Variants in NT5M observed in about 807,000 individuals in gnomAD.
NT5M encodes 5'(3')-deoxyribonucleotidase, mitochondrial.
Under a neutral mutation model 22.2 loss-of-function variants are expected in NT5M, and 22 were observed. That is an observed-to-expected ratio of 0.99 (90% CI 0.71 to 1.41). The LOEUF is 1.41. Ranked by LOEUF, NT5M falls within the 40% of genes most tolerant of loss-of-function variation. NT5M has a pLI of 0.00. For synonymous variants in NT5M, 167 were observed against 133.0 expected (o/e 1.26, Z -1.76); for missense variants, 322 against 314.8 (o/e 1.02, Z -0.17).
chr17:17,345,108 G>A lies in NT5M; in HGVS notation c.544+200G>A, dbSNP rs555172653. ...GGTGCTCCTGGGAGCTGGGAGGAGT[G>A]GGTGCCAGCTCTAGGGTTAGCTTGA... On this transcript the variant is annotated intron_variant, in intron 4 of 4. Transcript: ENST00000389022. 7.9e-5 allele frequency: 47 copies of A among 592,666 alleles called. No homozygotes were observed. In the South Asian group the frequency reaches 3.1e-3, roughly 39 times the overall value. The allele number at this position is 592,666 out of a possible 1,614,324, so 36.7% of individuals were successfully genotyped here.
At chr17:17,304,507 G>A (rs547147967) in intron 1 of NT5M, 1 of 902,502 alleles carries the variant, frequency 1.1e-6, no homozygotes, top group South Asian at 5.1e-5. Flanking sequence ...TTTGCAAAAG[G>A]AACAGGGGAT....
intron 3 of NT5M, among the ~76,000 whole-genome samples, chr17:17,329,009 G>T (rs1031384016): frequency 2.0e-5 from 3 of 152,026 alleles, no homozygotes; most frequent in Non-Finnish European, 4.4e-5. Context: ...ACGGAGTCTC[G>T]CTCTGTCTCC....
rs931917725 is a variant in NT5M at position 17,316,471 on chromosome 17, G to A, written c.369-6714G>A. ...GCTCGCTGCAACCTTTGCCTCCCGG[G>A]TTCAAGTGATTCTCCTGCCTCAGCC... On this transcript the variant is annotated intron_variant, in intron 2 of 4. Coordinates refer to ENST00000389022, the MANE Select transcript of NT5M (RefSeq NM_020201.4). Among the ~76,000 whole-genome samples the A allele has an allele frequency of 2.0e-5, 3 of 151,916 alleles. No individual in the cohort carries two copies. In the East Asian group the frequency reaches 5.8e-4, roughly 29 times the overall value.
chr17:17,306,566 G>A lies in NT5M; in HGVS notation c.291G>A (p.Glu97=). ...AGGAGAAGGCCATCAGCATTTGGGA[G>A]TCAAAGAATTTCTTTTTTGAACTTG... ...GLSEKAISIW[E]SKNFFFELEP... The change falls in exon 2 of 5, where the codon GAG becomes GAA. Residue 97 remains glutamate (E), a synonymous_variant. Transcript: ENST00000389022. The A allele has an allele frequency of 6.2e-7, 1 of 1,613,958 alleles. No individual in the cohort carries two copies. The highest frequency in any genetic ancestry group is 1.7e-4 in the Middle Eastern group (1 of 6,010).
intron 2 of NT5M, among the ~76,000 whole-genome samples, chr17:17,321,467 G>A: frequency 6.6e-6 from 1 of 151,830 alleles, no homozygotes; most frequent in East Asian, 2.0e-4. Context: ...CCGGCGGCAG[G>A]TGAGTCTCCA....
intron 3 of NT5M, among the ~76,000 whole-genome samples, chr17:17,341,186 A>T (rs2049634308): frequency 6.6e-6 from 1 of 151,920 alleles, no homozygotes; most frequent in African/African-American, 2.4e-5. Context: ...TTTTATATTG[A>T]CCTTGTATCC....
In NT5M at chr17:17,303,422, T is replaced by A. The variant is rs1017543555; in HGVS notation, c.-129T>A. On this transcript the variant is annotated 5_prime_UTR_variant, in exon 1 of 5. Transcript: ENST00000389022. Reference sequence around the variant, plus strand: ...CCGCACCCCGCGCTCCCCGCCCCGCTCCCCGTCCCGCGCTCCACGCGCGCC... The same window carrying A: ...CCGCACCCCGCGCTCCCCGCCCCGCACCCCGTCCCGCGCTCCACGCGCGCC... 112 of 976,180 alleles carry A rather than the reference T, an allele frequency of 1.1e-4. No individual in the cohort carries two copies. The highest frequency in any genetic ancestry group is 1.3e-4 in the Non-Finnish European group (108 of 819,782). The allele number at this position is 976,180 out of a possible 1,614,324, so 60.5% of individuals were successfully genotyped here. A position where few individuals can be genotyped will look rare whatever the true frequency, so the allele number is the denominator to read the frequency against.
intron 3 of NT5M, among the ~76,000 whole-genome samples, chr17:17,339,197 C>T (rs2049588333): frequency 6.6e-6 from 1 of 151,376 alleles, no homozygotes; most frequent in African/African-American, 2.4e-5. Context: ...GTGTAGAGCT[C>T]TTTCACTTGG....
At chr17:17,339,957 GT>G (rs370378790) in intron 3 of NT5M, among the ~76,000 whole-genome samples, 18 of 151,970 alleles carry the variant, frequency 1.2e-4, no homozygotes, top group African/African-American at 4.3e-4. Flanking sequence ...TTTTCAATGT[GT>G]TTTTGTCTGG....
chr17:17,319,610 G>A (rs2049108809), intron 2 of NT5M, among the ~76,000 whole-genome samples: 1 of 152,126 alleles, frequency 6.6e-6, no homozygotes, highest in Non-Finnish European at 1.5e-5. Context: ...AAGAAGCCAG[G>A]CAAAACAGAG....
intron 3 of NT5M, among the ~76,000 whole-genome samples, chr17:17,325,099 C>A (rs1239151822): frequency 6.6e-6 from 1 of 152,124 alleles, no homozygotes; most frequent in South Asian, 2.1e-4. Context: ...GTGGGTCTGA[C>A]GAGCCCGCCA....
At chr17:17,314,819 T>A (rs1211000922) in intron 2 of NT5M, among the ~76,000 whole-genome samples, 1 of 152,212 alleles carries the variant, frequency 6.6e-6, no homozygotes, top group Non-Finnish European at 1.5e-5. Context: ...ACAGCTAGAT[T>A]GTTTTTCTCT....
chr17:17,319,545 G>A (rs2049107464), intron 2 of NT5M, among the ~76,000 whole-genome samples: 2 of 152,188 alleles, frequency 1.3e-5, no homozygotes, highest in African/African-American at 2.4e-5. Flanking sequence ...AGGACACACT[G>A]TTGATACATT....
intron 3 of NT5M, among the ~76,000 whole-genome samples, chr17:17,332,827 C>T (rs2049415190): frequency 6.6e-6 from 1 of 152,120 alleles, no homozygotes; most frequent in Admixed American, 6.5e-5. Context: ...GGGTTCACTC[C>T]CGGTATCCTG....
intron 3 of NT5M, among the ~76,000 whole-genome samples, chr17:17,327,864 C>A (rs1336138177): frequency 2.5e-5 from 1 of 39,314 alleles, no homozygotes; most frequent in African/African-American, 7.7e-5. Flanking sequence ...GTTGGCCAGG[C>A]TGGTCTCAAA....
chr17:17,328,475 G>A (rs2049307705), intron 3 of NT5M, among the ~76,000 whole-genome samples: 1 of 152,118 alleles, frequency 6.6e-6, no homozygotes, highest in South Asian at 2.1e-4. Flanking sequence ...CCTATGGACT[G>A]GTACTTCTTC....
At chr17:17,339,652 C>G (rs2049597681) in intron 3 of NT5M, among the ~76,000 whole-genome samples, 1 of 152,156 alleles carries the variant, frequency 6.6e-6, no homozygotes, top group Non-Finnish European at 1.5e-5. Flanking sequence ...TATGTTCCTT[C>G]CATACCCAGT....
chr17:17,310,000 A>G (rs1597745257), intron 2 of NT5M, among the ~76,000 whole-genome samples: 1 of 151,670 alleles, frequency 6.6e-6, no homozygotes, highest in Non-Finnish European at 1.5e-5. Flanking sequence ...AATTTTTTGT[A>G]TTTTTAGTAG....
intron 3 of NT5M, among the ~76,000 whole-genome samples, chr17:17,328,432 A>AC (rs2049306605): frequency 6.6e-6 from 1 of 151,886 alleles, no homozygotes; most frequent in Non-Finnish European, 1.5e-5. Flanking sequence ...GCTTCCAAGC[A>AC]CCCCCTCACC....
Sources: gnomAD v4.1 joint callset for allele counts (sites outside exome capture counted in the v4.1 genomes callset) on GRCh38, gnomAD v4.1.1 for gene constraint, MANE v1.5 for transcripts, NCBI Gene and HGNC (gene_info 2026-07-23, HGNC 2026-07-21) for gene names.